MARF1: variants seen among roughly 807,000 people sequenced by gnomAD.
MARF1 encodes the protein meiosis regulator and mRNA stability factor 1.
In MARF1, 24 loss-of-function variants were observed where a neutral mutation model predicts 168.2. That is an observed-to-expected ratio of 0.14 (90% CI 0.10 to 0.20). The LOEUF (loss-of-function observed/expected upper bound fraction) is 0.20, where lower values mean the gene tolerates loss of function less well. Ranked by LOEUF, MARF1 falls within the 10% of genes least tolerant of loss-of-function variation. MARF1 has a pLI of 1.00. For synonymous variants in MARF1, 868 were observed against 822.4 expected (o/e 1.06, Z -0.95); for missense variants, 1,744 against 2,143.6 (o/e 0.81, Z 3.68).
In MARF1 at chr16:15,625,192, A is replaced by G. The variant is rs752055072; in HGVS notation, c.1954-19T>C. On this transcript the variant is annotated intron_variant, in intron 8 of 26. Transcript: ENST00000396368. ...ACAGCTCCTTCAAAGACACAAGCAC[A>G]GTGGGGTTTAAATTTTAAGTACCCA... is the stretch of plus-strand genomic sequence containing the variant. 10 of 1,608,632 alleles carry G rather than the reference A, an allele frequency of 6.2e-6. No individual in the cohort carries two copies. In the East Asian group the frequency reaches 2.0e-4, roughly 32 times the overall value.
intron 10 of MARF1, among the ~76,000 whole-genome samples, chr16:15,624,499 GC>G (rs1022276255): frequency 6.6e-6 from 1 of 152,088 alleles, no homozygotes; most frequent in Non-Finnish European, 1.5e-5. Flanking sequence ...ATCTTTACAT[GC>G]CCCCCTGCAC....
Position 15,633,749 on chromosome 16 carries a change from G to A in MARF1, c.1101C>T (p.Gly367=). 2 of 1,614,042 alleles carry A rather than the reference G, an allele frequency of 1.2e-6. No individual in the cohort carries two copies. Among genetic ancestry groups the A allele is most frequent in the East Asian group, 2.2e-5 (1 of 44,888 alleles). ...TTTGCACAACAGCAGTTGCTGACCG[G>A]CCAGAGGGAACGGAGCAGTTTTCAA... ...WDIENCSVPS[G]RSATAVVQRI... is the part of the protein sequence containing the mutation. The change falls in exon 5 of 27, where the codon GGC becomes GGT. Residue 367 remains glycine (G), a synonymous_variant. Transcript: ENST00000396368.
chr16:15,630,554 TGACAAA>T, intron 6 of MARF1, 50 bp from the exon 7 acceptor site: 3 of 1,523,748 alleles, frequency 2.0e-6, no homozygotes, highest in Non-Finnish European at 2.7e-6. Flanking sequence ...TAGAAACACT[TGACAAA>T]GACAGACAAC....
intron 2 of MARF1, among the ~76,000 whole-genome samples, chr16:15,637,592 A>G (rs1266771073): frequency 1.3e-5 from 2 of 152,210 alleles, no homozygotes; most frequent in Admixed American, 6.5e-5. Context: ...CAGGCTTACT[A>G]TGAGTTGATC....
rs1462055906 is a variant in MARF1, at chr16:15,602,130, G to T, written c.4487C>A (p.Ser1496Tyr). 7 of 1,614,158 alleles carry T rather than the reference G, an allele frequency of 4.3e-6. No individual in the cohort carries two copies. Among genetic ancestry groups the T allele is most frequent in the Non-Finnish European group, 5.1e-6 (6 of 1,179,978 alleles). The change falls in exon 23 of 27, where the codon TCT becomes TAT. Residue 1496 changes from serine (S) to tyrosine (Y), a missense_variant. By Grantham distance (144) the Ser-to-Tyr change is moderately radical. Around this residue, in one of 7 missense-constraint regions of MARF1, gnomAD observed 313 missense variants for 337.4 expected, o/e 0.93. Coordinates refer to ENST00000396368, the MANE Select transcript of MARF1 (RefSeq NM_014647.4). Reference sequence around the variant, plus strand: ...CTGGTAGTGGTAAGTATGAAGTAAAGACCGCACATTCTTTGCAAACAAATA... The same window carrying T: ...CTGGTAGTGGTAAGTATGAAGTAAATACCGCACATTCTTTGCAAACAAATA... The part of the protein sequence containing the change: ...SLYLFAKNVR[S>Y]LLHTYHYQQI...
At chr16:15,629,472 G>A (rs529394117) in intron 7 of MARF1, among the ~76,000 whole-genome samples, 7 of 152,240 alleles carry the variant, frequency 4.6e-5, no homozygotes, top group African/African-American at 1.2e-4. Context: ...CCAATGACAC[G>A]TTTACTTTTT....
Position 15,631,383 on chromosome 16 carries a change from G to T in MARF1, c.1349C>A (p.Ser450Ter). ...HTAPATVVLV[S>*]TDVNFALELS... ...TTAGCAGATGTTTCTGTACTTACTT[G>T]ACACAAGAACCACTGTGGCTGGAGC... The change falls in exon 6 of 27, where the codon TCA becomes TAA. Residue 450 changes from serine (S) to a stop codon, truncating the protein, a stop_gained and splice_region_variant. Transcript: ENST00000396368. LOFTEE classifies it high-confidence loss of function. 1 of 1,601,090 alleles carries T rather than the reference G, an allele frequency of 6.2e-7. No individual in the cohort carries two copies. The highest frequency in any genetic ancestry group is 1.1e-5 in the South Asian group (1 of 90,746).
intron 16 of MARF1, among the ~76,000 whole-genome samples, chr16:15,613,813 G>A (rs956166964): frequency 2.0e-5 from 3 of 152,240 alleles, no homozygotes; most frequent in African/African-American, 7.2e-5. Context: ...GAGGTGTCCC[G>A]TAAGAAACCT....
At chr16:15,600,774 G>C in intron 23 of MARF1, 73 bp from the exon 24 acceptor site, 1 of 1,502,102 alleles carries the variant, frequency 6.7e-7, no homozygotes, top group Non-Finnish European at 9.3e-7. Context: ...CAGGAAGAGT[G>C]TGACCTACGG....
Position 15,634,843 on chromosome 16 carries a change from A to G in MARF1, c.920T>C (p.Leu307Pro). 6.2e-7 allele frequency: 1 copy of G among 1,614,160 alleles called. No individual in the cohort carries two copies. Among genetic ancestry groups the G allele is most frequent in the Non-Finnish European group, 8.5e-7 (1 of 1,180,008 alleles). ...NTQPAPLAVPLCNGCGTKGTG... is the reference protein window; with the variant it reads ...NTQPAPLAVPPCNGCGTKGTG... ...TCCTTTGGTTCCACAGCCATTACAC[A>G]GAGGGACAGCAAGAGGTGCAGGTTG... The change falls in exon 4 of 27, where the codon CTG (leucine) becomes CCG (proline). Residue 307 changes from leucine to proline, a missense_variant. Coordinates refer to ENST00000396368, the MANE Select transcript of MARF1 (RefSeq NM_014647.4).
intron 25 of MARF1, among the ~76,000 whole-genome samples, chr16:15,600,113 A>C (rs962338985): frequency 3.3e-5 from 5 of 152,122 alleles, no homozygotes; most frequent in Admixed American, 3.3e-4. Context: ...CCCTGTTGCA[A>C]GTGTCATGAA....
At position 15,611,635 on chromosome 16, in the gene MARF1, T is replaced by C; in HGVS notation, c.3574A>G (p.Ser1192Gly). 6.2e-7 allele frequency: 1 copy of C among 1,614,196 alleles called. No homozygotes were observed. The highest frequency in any genetic ancestry group is 8.5e-7 in the Non-Finnish European group (1 of 1,180,024). ...AATTCTCTCACAATGACCTGTTTGCTGGCCTGGGATTTGAGAAGTTTTAGT... is the reference window on the plus strand; with the variant it reads ...AATTCTCTCACAATGACCTGTTTGCCGGCCTGGGATTTGAGAAGTTTTAGT... Reference protein sequence around the residue: ...DLLKLLKSQASKQVIVREFSQ... With the variant: ...DLLKLLKSQAGKQVIVREFSQ... Residue 1192 changes from serine (S) to glycine (G), a missense_variant, in exon 18 of 27, where the codon AGC (serine) becomes GGC (glycine). By Grantham distance (56) the Ser-to-Gly change is moderately conservative. Coordinates refer to ENST00000396368, the MANE Select transcript of MARF1 (RefSeq NM_014647.4).
At position 15,624,836 on chromosome 16, in the gene MARF1, C is replaced by A. The variant is rs1297786300; in HGVS notation, c.2203G>T (p.Ala735Ser). Residue 735 changes from alanine (A) to serine (S), a missense_variant, in exon 10 of 27, where the codon GCT becomes TCT. By Grantham distance (99) the Ala-to-Ser change is moderately conservative. Coordinates refer to ENST00000396368, the MANE Select transcript of MARF1 (RefSeq NM_014647.4). ...ETVFQVSYPSAFSKLVASRQV... is the reference protein window; with the variant it reads ...ETVFQVSYPSSFSKLVASRQV... Reference sequence around the variant, plus strand: ...CTGGATGCAACTAACTTGCTAAAAGCAGACGGGTAACTCACTTGGAATACA... The same window carrying A: ...CTGGATGCAACTAACTTGCTAAAAGAAGACGGGTAACTCACTTGGAATACA... 1.2e-6 allele frequency: 2 copies of A among 1,614,064 alleles called. No homozygotes were observed. Among genetic ancestry groups the A allele is most frequent in the African/African-American group, 2.7e-5 (2 of 74,920 alleles).
intron 12 of MARF1, among the ~76,000 whole-genome samples, chr16:15,620,935 C>A (rs574617234): frequency 6.6e-6 from 1 of 152,140 alleles, no homozygotes; most frequent in Non-Finnish European, 1.5e-5. Flanking sequence ...CACCAAAAAA[C>A]GCTCAAAGGG....
chr16:15,636,489 G>C (rs935540247), intron 2 of MARF1, 147 bp from the exon 3 acceptor site: 1 of 627,232 alleles, frequency 1.6e-6, no homozygotes, highest in African/African-American at 1.8e-5. Flanking sequence ...ATCACAGCTA[G>C]TTAAAACCAG....
chr16:15,614,032 C>A (rs887684919), intron 16 of MARF1, among the ~76,000 whole-genome samples: 1 of 152,168 alleles, frequency 6.6e-6, no homozygotes, highest in African/African-American at 2.4e-5. Context: ...ATGCCCGTAA[C>A]TCAGACACTC....
chr16:15,608,750 T>C (rs1041255592), intron 20 of MARF1: 14 of 550,382 alleles, frequency 2.5e-5, no homozygotes, highest in African/African-American at 2.4e-4. Flanking sequence ...GTAAGTTCTA[T>C]GTTATGTGTA....
chr16:15,602,806 G>C (rs2032637608), intron 22 of MARF1: 1 of 355,552 alleles, frequency 2.8e-6, no homozygotes, highest in African/African-American at 2.1e-5. Context: ...GCAAATCACG[G>C]TACACACAGT....
At position 15,633,713 on chromosome 16, in the gene MARF1, C is replaced by T. The variant is rs1440660133; in HGVS notation, c.1137G>A (p.Glu379=). The T allele has an allele frequency of 6.2e-7, 1 of 1,613,992 alleles. No homozygotes were observed. ...CTTCTCTGTGGCCTTTAAAAAACTT[C>T]TCACGGATTCTTTGCACAACAGCAG... ...SATAVVQRIR[E]KFFKGHREAE... Residue 379 remains glutamate, a synonymous_variant, in exon 5 of 27, where the codon GAG becomes GAA. Coordinates refer to ENST00000396368, the MANE Select transcript of MARF1 (RefSeq NM_014647.4).
Sources: allele counts gnomAD v4.1 joint callset (sites outside exome capture counted in the v4.1 genomes callset), GRCh38; gene constraint gnomAD v4.1.1; regional missense constraint gnomAD v4.1.1; transcripts MANE v1.5; gene names NCBI Gene and HGNC (gene_info 2026-07-23, HGNC 2026-07-21).